Variants in ARHGAP24 observed in about 807,000 individuals in gnomAD.
ARHGAP24 encodes Rho GTPase activating protein 24.
In ARHGAP24, 50 loss-of-function variants were observed where a neutral mutation model predicts 76.4. The ratio of observed to expected loss-of-function variants is 0.65; its 90% confidence interval spans 0.52 to 0.83. The LOEUF (loss-of-function observed/expected upper bound fraction) is 0.83, where lower values mean the gene tolerates loss of function less well. ARHGAP24 is among the 40% of genes least tolerant of loss of function. The pLI is 0.00. For synonymous variants in ARHGAP24, 345 were observed against 323.3 expected (o/e 1.07, Z -0.72); for missense variants, 930 against 914.2 (o/e 1.02, Z -0.22).
chr4:85,704,156 A>G (rs1014822616), intron 2 of ARHGAP24, among the ~76,000 whole-genome samples: 6 of 152,194 alleles, frequency 3.9e-5, no homozygotes, highest in African/African-American at 9.6e-5. Flanking sequence ...GTATGCATAT[A>G]TACAGTTTTT....
chr4:85,487,841 T>G (rs1474346814), intron 1 of ARHGAP24, among the ~76,000 whole-genome samples: 1 of 122,878 alleles, frequency 8.1e-6, no homozygotes, highest in Non-Finnish European at 1.6e-5. Context: ...ACATATTATA[T>G]AAATATATAT....
At chr4:85,920,911 C>T (rs540298613) in intron 3 of ARHGAP24, among the ~76,000 whole-genome samples, 3 of 152,236 alleles carry the variant, frequency 2.0e-5, no homozygotes, top group East Asian at 1.9e-4. Flanking sequence ...GAAACAGGAA[C>T]ACTTATACAC....
intron 2 of ARHGAP24, among the ~76,000 whole-genome samples, chr4:85,712,597 A>G (rs1299511289): frequency 6.6e-6 from 1 of 152,048 alleles, no homozygotes; most frequent in East Asian, 1.9e-4. Context: ...TTTCATTTCC[A>G]GCTTCTGGTG....
chr4:85,785,246 G>A (rs1727776541), intron 3 of ARHGAP24, among the ~76,000 whole-genome samples: 1 of 152,072 alleles, frequency 6.6e-6, no homozygotes, highest in Non-Finnish European at 1.5e-5. Flanking sequence ...GCACTCAAAA[G>A]AAAACATTTT....
chr4:85,912,065 T>C (rs1735118151), intron 3 of ARHGAP24, among the ~76,000 whole-genome samples: 1 of 152,148 alleles, frequency 6.6e-6, no homozygotes, highest in Non-Finnish European at 1.5e-5. Context: ...ATTAACAGGG[T>C]GAGCATTATT....
chr4:85,575,167 A>G (rs1006711392), intron 2 of ARHGAP24, among the ~76,000 whole-genome samples: 3 of 152,212 alleles, frequency 2.0e-5, no homozygotes, highest in Non-Finnish European at 4.4e-5. Flanking sequence ...TTCATCTAGG[A>G]GAAAACCGTC....
intron 2 of ARHGAP24, among the ~76,000 whole-genome samples, chr4:85,637,108 G>A (rs899694133): frequency 6.6e-6 from 1 of 152,104 alleles, no homozygotes; most frequent in Non-Finnish European, 1.5e-5. Context: ...GGCACAGATA[G>A]CCAGTGTTAC....
chr4:85,731,398 C>A (rs114532586), intron 3 of ARHGAP24, among the ~76,000 whole-genome samples: 1,996 of 152,230 alleles, frequency 0.013, 37 homozygotes, highest in African/African-American at 0.045. Flanking sequence ...ACCTTCTATC[C>A]CTACTGCCTA....
At chr4:85,913,561 G>A (rs1216477973) in intron 3 of ARHGAP24, among the ~76,000 whole-genome samples, 2 of 151,858 alleles carry the variant, frequency 1.3e-5, no homozygotes, top group East Asian at 3.9e-4. Context: ...CATCTCATTG[G>A]TGACTTCCAA....
At chr4:85,722,069 T>C (rs1578171423) in intron 3 of ARHGAP24, 97 bp downstream of exon 3, 1 of 1,125,344 alleles carries the variant, frequency 8.9e-7, no homozygotes, top group East Asian at 2.5e-5. Context: ...GAATCATGAC[T>C]GAGAACCTTA....
intron 2 of ARHGAP24, among the ~76,000 whole-genome samples, chr4:85,659,698 ATATAT>A (rs1019416586): frequency 1.3e-5 from 2 of 152,164 alleles, no homozygotes; most frequent in African/African-American, 4.8e-5. Flanking sequence ...ATGTTTCCTA[ATATAT>A]TATAGTTCTT....
At chr4:85,599,996 T>C (rs1273424816) in intron 2 of ARHGAP24, among the ~76,000 whole-genome samples, 1 of 152,130 alleles carries the variant, frequency 6.6e-6, no homozygotes, top group African/African-American at 2.4e-5. Flanking sequence ...GGGAAAACCA[T>C]TAATAACTAA....
At chr4:85,833,526 T>A (rs1417375307) in intron 3 of ARHGAP24, among the ~76,000 whole-genome samples, 1 of 152,082 alleles carries the variant, frequency 6.6e-6, no homozygotes, top group African/African-American at 2.4e-5. Context: ...TCACGCTAAG[T>A]TTCTCAGACT....
chr4:85,966,642 A>T (rs2148846870), intron 5 of ARHGAP24, among the ~76,000 whole-genome samples: 1 of 152,250 alleles, frequency 6.6e-6, no homozygotes, highest in Middle Eastern at 3.4e-3. Context: ...GTCTTGCTGA[A>T]CTCAGCAGGC....
chr4:85,994,577 T>C lies in ARHGAP24; in HGVS notation c.929-6T>C, dbSNP rs1740530168. 6.2e-7 allele frequency: 1 copy of C among 1,613,852 alleles called. No individual in the cohort carries two copies. Among genetic ancestry groups the C allele is most frequent in the Admixed American group, 1.7e-5 (1 of 60,004 alleles). On this transcript the variant is annotated splice_region_variant and splice_polypyrimidine_tract_variant and intron_variant, in intron 8 of 9. Transcript: ENST00000395184. ...TCATGCTACTTTATGTTCTATGCAATTCTAGGCACTGTGGTGGTCCAGCAG... is the reference window on the plus strand; with the variant it reads ...TCATGCTACTTTATGTTCTATGCAACTCTAGGCACTGTGGTGGTCCAGCAG...
intron 3 of ARHGAP24, among the ~76,000 whole-genome samples, chr4:85,895,608 T>A (rs1734134359): frequency 6.6e-6 from 1 of 152,210 alleles, no homozygotes; most frequent in South Asian, 2.1e-4. Context: ...TAATAATGTT[T>A]TAAGGCAAAA....
intron 3 of ARHGAP24, among the ~76,000 whole-genome samples, chr4:85,784,526 G>T (rs1727716424): frequency 6.6e-6 from 1 of 151,966 alleles, no homozygotes; most frequent in South Asian, 2.1e-4. Flanking sequence ...GATGCACAAT[G>T]CTCGCATCAG....
At chr4:85,573,225 T>A (rs1727211793) in intron 2 of ARHGAP24, among the ~76,000 whole-genome samples, 1 of 152,194 alleles carries the variant, frequency 6.6e-6, no homozygotes, top group Non-Finnish European at 1.5e-5. Flanking sequence ...TTTCATACAA[T>A]TCAAGCACTG....
chr4:85,900,230 T>G (rs1044587461), intron 3 of ARHGAP24, among the ~76,000 whole-genome samples: 3 of 152,196 alleles, frequency 2.0e-5, no homozygotes, highest in Non-Finnish European at 4.4e-5. Context: ...TTATCAATTA[T>G]CAATATCAGT....
Sources: allele counts gnomAD v4.1 joint callset (sites outside exome capture counted in the v4.1 genomes callset), GRCh38; gene constraint gnomAD v4.1.1; transcripts MANE v1.5; gene names NCBI Gene and HGNC (gene_info 2026-07-23, HGNC 2026-07-21).